IFT57: variants seen among roughly 807,000 people sequenced by gnomAD.
The protein encoded by IFT57 is intraflagellar transport 57.
IFT57 carries 59 observed loss-of-function variants against 56.8 expected under a neutral mutation model. That is an observed-to-expected ratio of 1.04 (90% CI 0.84 to 1.29). The LOEUF (loss-of-function observed/expected upper bound fraction) is 1.29, where lower values mean the gene tolerates loss of function less well. Among genes scored for constraint, IFT57 ranks in the 50% most tolerant of loss-of-function variants. IFT57 has a pLI of 0.00. For synonymous variants in IFT57, 209 were observed against 186.1 expected (o/e 1.12, Z -1.00); for missense variants, 470 against 522.1 (o/e 0.90, Z 0.97).
chr3:108,200,833 A>G (rs2080274620), intron 5 of IFT57, among the ~76,000 whole-genome samples: 1 of 152,194 alleles, frequency 6.6e-6, no homozygotes, highest in African/African-American at 2.4e-5. Flanking sequence ...TATCCTATGT[A>G]AGTATCTTAC....
intron 6 of IFT57, among the ~76,000 whole-genome samples, chr3:108,180,963 G>A (rs1010910428): frequency 1.1e-4 from 16 of 151,934 alleles, no homozygotes. Flanking sequence ...TCAACAGTGA[G>A]GCATTAGCAA....
chr3:108,186,390 T>C (rs1354883392), intron 6 of IFT57, among the ~76,000 whole-genome samples: 2 of 151,152 alleles, frequency 1.3e-5, no homozygotes, highest in Admixed American at 6.6e-5. Context: ...ATTCAAGAGT[T>C]AATAAAAATA....
At chr3:108,163,846 T>C in intron 9 of IFT57, 117 bp from the exon 10 acceptor site, 1 of 639,888 alleles carries the variant, frequency 1.6e-6, no homozygotes, top group Non-Finnish European at 2.8e-6. Flanking sequence ...AAAATAAAGA[T>C]ATTAGGAATA....
chr3:108,180,919 C>G (rs2080148254), intron 6 of IFT57, among the ~76,000 whole-genome samples: 1 of 152,004 alleles, frequency 6.6e-6, no homozygotes, highest in Admixed American at 6.6e-5. Context: ...TATTAATTCA[C>G]TGCTTTCAAT....
chr3:108,222,077 A>C (rs2080409192), intron 1 of IFT57, 34 bp downstream of exon 1: 2 of 1,563,680 alleles, frequency 1.3e-6, no homozygotes, highest in East Asian at 4.8e-5. Context: ...GGGGGCTAGC[A>C]GGCACCCGGG....
chr3:108,219,316 G>A, intron 2 of IFT57, 94 bp downstream of exon 2: 2 of 948,882 alleles, frequency 2.1e-6, no homozygotes, highest in Non-Finnish European at 3.3e-6. Context: ...TATTTACAGA[G>A]GAGTCATCTA....
intron 6 of IFT57, among the ~76,000 whole-genome samples, chr3:108,173,283 C>T (rs2080104456): frequency 1.3e-5 from 2 of 151,640 alleles, no homozygotes; most frequent in Non-Finnish European, 3.0e-5. Context: ...ACACTGTATA[C>T]AAACTTGAGG....
chr3:108,219,951 C>A (rs1024324021), intron 1 of IFT57, among the ~76,000 whole-genome samples: 4 of 152,180 alleles, frequency 2.6e-5, no homozygotes. Context: ...TTAAAAAAGA[C>A]CTCAACGATT....
intron 6 of IFT57, among the ~76,000 whole-genome samples, chr3:108,171,154 A>G (rs2080089985): frequency 6.6e-6 from 1 of 151,844 alleles, no homozygotes; most frequent in Non-Finnish European, 1.5e-5. Flanking sequence ...AGGGTAAGAA[A>G]CTGCTTGGGT....
At chr3:108,169,335 GT>G (rs993524280) in intron 6 of IFT57, among the ~76,000 whole-genome samples, 76 of 148,518 alleles carry the variant, frequency 5.1e-4, no homozygotes, top group African/African-American at 1.6e-3. Context: ...TTTTTGATGG[GT>G]TTTTTTTTTC....
intron 6 of IFT57, among the ~76,000 whole-genome samples, chr3:108,181,036 A>G (rs2080148880): frequency 6.6e-6 from 1 of 151,960 alleles, no homozygotes; most frequent in Non-Finnish European, 1.5e-5. Flanking sequence ...ATCTGCTACC[A>G]CTCTTGATGC....
chr3:108,205,618 T>C (rs2080305011), intron 5 of IFT57, among the ~76,000 whole-genome samples: 1 of 150,736 alleles, frequency 6.6e-6, no homozygotes, highest in Admixed American at 6.6e-5. Flanking sequence ...ATCTTCATGA[T>C]ATGAAACCAA....
At chr3:108,181,665 T>G (rs905160798) in intron 6 of IFT57, among the ~76,000 whole-genome samples, 2 of 152,142 alleles carry the variant, frequency 1.3e-5, no homozygotes, top group African/African-American at 4.8e-5. Context: ...GAAAATTGTA[T>G]TTTGTTTAAA....
intron 4 of IFT57, among the ~76,000 whole-genome samples, chr3:108,207,196 A>T (rs2080318369): frequency 6.6e-6 from 1 of 152,298 alleles, no homozygotes; most frequent in Non-Finnish European, 1.5e-5. Context: ...AAGCTTGATA[A>T]AATAATGGTT....
intron 6 of IFT57, among the ~76,000 whole-genome samples, chr3:108,173,017 C>T (rs2080102876): frequency 6.6e-6 from 1 of 151,660 alleles, no homozygotes; most frequent in South Asian, 2.1e-4. Context: ...GTATTCTTAC[C>T]CTAACTTCTA....
intron 6 of IFT57, among the ~76,000 whole-genome samples, chr3:108,190,639 T>C (rs1386937421): frequency 6.6e-6 from 1 of 152,182 alleles, no homozygotes; most frequent in Non-Finnish European, 1.5e-5. Flanking sequence ...TACCCAGTCT[T>C]GGGCAGTTCT....
At position 108,170,913 on chromosome 3, in the gene IFT57, A is replaced by G. The variant is rs139501915; in HGVS notation, c.778-3049T>C. 1.2e-3 allele frequency among the ~76,000 whole-genome samples: 185 copies of G among 152,124 alleles called. 1 individual carries two copies. Among genetic ancestry groups the G allele is most frequent in the African/African-American group, 4.0e-3 (168 of 41,550 alleles). On this transcript the variant is annotated intron_variant, in intron 6 of 10. Transcript: ENST00000264538. ...ACAAACAATGGGGAAAGGATTCCCT[A>G]TTTAATACAAAGTAATAATTTTAAA...
intron 9 of IFT57, among the ~76,000 whole-genome samples, chr3:108,164,256 C>T (rs369738353): frequency 6.6e-6 from 1 of 151,940 alleles, no homozygotes; most frequent in South Asian, 2.1e-4. Flanking sequence ...AAATCATGAA[C>T]TCCGAACTCC....
chr3:108,206,222 A>C (rs1177896010), intron 5 of IFT57, among the ~76,000 whole-genome samples: 4 of 149,886 alleles, frequency 2.7e-5, no homozygotes, highest in Non-Finnish European at 5.9e-5. Flanking sequence ...TTACTTATTC[A>C]TATACCTACC....
Sources: gnomAD v4.1 joint callset for allele counts (sites outside exome capture counted in the v4.1 genomes callset) on GRCh38, gnomAD v4.1.1 for gene constraint, MANE v1.5 for transcripts, NCBI Gene and HGNC (gene_info 2026-07-23, HGNC 2026-07-21) for gene names.